Variants in CLEC2D observed in about 807,000 individuals in gnomAD.
CLEC2D encodes the protein C-type lectin domain family 2 member D, also known as C-type lectin related f.
In CLEC2D, 16 loss-of-function variants were observed where a neutral mutation model predicts 20.0. The ratio of observed to expected loss-of-function variants is 0.80; its 90% CI spans 0.54 to 1.22. The LOEUF (loss-of-function observed/expected upper bound fraction) is 1.22, where lower values mean the gene tolerates loss of function less well. CLEC2D is among the 50% of genes most tolerant of loss of function. The pLI, the probability that CLEC2D is intolerant of heterozygous loss-of-function variation, is 0.00. For missense variants in CLEC2D, 207 were observed against 221.5 expected, an observed-to-expected ratio of 0.93 and a Z score of 0.42; for synonymous variants, 77 against 71.1, an observed-to-expected ratio of 1.08 and a Z score of -0.42.
chr12:9,688,144 T>C, intron 3 of CLEC2D, 58 bp downstream of exon 3: 1 of 1,446,106 alleles, frequency 6.9e-7, no homozygotes, highest in Non-Finnish European at 9.1e-7. Context: ...TATGTTTTCC[T>C]GTGAAATTAT....
chr12:9,687,909 A>C lies in CLEC2D; in HGVS notation c.180A>C (p.Arg60Ser). ...CGMVAALSAI[R>S]ANCHQEPSVC... ...TTTTTATTTTATTTTCAGCAATAAG[A>C]GCTAACTGCCATCAAGAGCCATCAG... The change falls in exon 3 of 5, where the codon AGA (arginine) becomes AGC (serine). Residue 60 changes from arginine (R) to serine (S), a missense_variant. By Grantham distance (110) the Arg-to-Ser change is moderately radical (BLOSUM62 -1). Transcript: ENST00000290855. 1 of 1,572,746 alleles carries C rather than the reference A, an allele frequency of 6.4e-7. No homozygotes were observed. Among genetic ancestry groups the C allele is most frequent in the Non-Finnish European group, 8.6e-7 (1 of 1,157,522 alleles).
chr12:9,680,721 G>A (rs71447598), intron 1 of CLEC2D, among the ~76,000 whole-genome samples: 113 of 152,136 alleles, frequency 7.4e-4, no homozygotes, highest in Non-Finnish European at 1.4e-3. Context: ...ATGGTAGCTG[G>A]AAAGTTAAAA....
intron 2 of CLEC2D, among the ~76,000 whole-genome samples, chr12:9,683,383 C>T (rs1865686116): frequency 1.9e-5 from 2 of 107,882 alleles, no homozygotes; most frequent in Admixed American, 2.2e-4. Flanking sequence ...TAAATTAGAT[C>T]CCGCTTGTCA....
chr12:9,675,504 G>C (rs1865505429), intron 1 of CLEC2D, among the ~76,000 whole-genome samples: 1 of 152,120 alleles, frequency 6.6e-6, no homozygotes, highest in East Asian at 1.9e-4. Flanking sequence ...TTATTTGTCT[G>C]TTCTTTAACA....
At position 9,678,142 on chromosome 12, in the gene CLEC2D, G is replaced by A. The variant is rs78282720; in HGVS notation, c.62-2781G>A. ...ACGTAGTTAAATACTCTCTTGTTAG[G>A]TGCGTGCACATTTAGGTTTGTTATG... is the stretch of plus-strand genomic sequence containing the variant. On this transcript the variant is annotated intron_variant, in intron 1 of 4. Coordinates refer to ENST00000290855, the MANE Select transcript of CLEC2D (RefSeq NM_013269.6). Among the ~76,000 whole-genome samples, 979 of 152,146 alleles carry A rather than the reference G, an allele frequency of 6.4e-3. 13 individuals are homozygous for A. The highest frequency in any genetic ancestry group is 0.022 in the African/African-American group (928 of 41,484).
Position 9,696,183 on chromosome 12 carries a change from T to C in CLEC2D, c.*1309T>C, listed in dbSNP as rs1865989875. 1.2e-6 allele frequency: 1 copy of C among 860,540 alleles called. No homozygotes were observed. The highest frequency in any genetic ancestry group is 2.4e-5 in the East Asian group (1 of 41,562). The allele number at this position is 860,540 out of a possible 1,614,324, so 53.3% of individuals were successfully genotyped here. A position where few individuals can be genotyped will look rare whatever the true frequency, so the allele number is the denominator to read the frequency against. The stretch of plus-strand genomic sequence containing the variant: ...ATGTGAAGAATTTCTTCTGGATGAC[T>C]GACCAAGAGGCTATTCAAGATCTCT... On this transcript the variant is annotated 3_prime_UTR_variant, in exon 5 of 5. Coordinates refer to ENST00000290855, the MANE Select transcript of CLEC2D (RefSeq NM_013269.6).
chr12:9,674,489 C>T (rs775729729), intron 1 of CLEC2D, among the ~76,000 whole-genome samples: 1 of 152,338 alleles, frequency 6.6e-6, no homozygotes, highest in East Asian at 1.9e-4. Context: ...CACCTGCCTT[C>T]CGCATTCATC....
At chr12:9,682,291 A>G (rs192677477) in intron 2 of CLEC2D, among the ~76,000 whole-genome samples, 160 of 152,262 alleles carry the variant, frequency 1.1e-3, no homozygotes, top group African/African-American at 3.8e-3. Context: ...GTATTTCCCC[A>G]TTTAAATCGA....
At chr12:9,679,502 T>A (rs1865591585) in intron 1 of CLEC2D, among the ~76,000 whole-genome samples, 1 of 152,192 alleles carries the variant, frequency 6.6e-6, no homozygotes, top group African/African-American at 2.4e-5. Context: ...TTGTTTCCAC[T>A]GTCTTCTTGC....
rs1866072248 is a variant in CLEC2D, at chr12:9,699,291, A to T, written c.*4417A>T. 1 of 152,186 alleles carries T rather than the reference A, an allele frequency of 6.6e-6. No homozygotes were observed. The highest frequency in any genetic ancestry group is 1.5e-5 in the Non-Finnish European group (1 of 68,036). The allele number at this position is 152,186 out of a possible 1,614,324, so 9.4% of individuals were successfully genotyped here. A position where few individuals can be genotyped will look rare whatever the true frequency, so the allele number is the denominator to read the frequency against. On this transcript the variant is annotated 3_prime_UTR_variant, in exon 5 of 5. Coordinates refer to ENST00000290855, the MANE Select transcript of CLEC2D (RefSeq NM_013269.6). ...TATCCTATTAATCTGCATTCTGTCA[A>T]TTGTGGCAAGTTATCAGCATATTTT...
At chr12:9,675,414 T>C (rs1417585251) in intron 1 of CLEC2D, among the ~76,000 whole-genome samples, 1 of 152,156 alleles carries the variant, frequency 6.6e-6, no homozygotes, top group Non-Finnish European at 1.5e-5. Context: ...CAGGATGGTA[T>C]AGATCTCCTG....
chr12:9,677,940 C>G (rs1454008173), intron 1 of CLEC2D, among the ~76,000 whole-genome samples: 2 of 152,000 alleles, frequency 1.3e-5, no homozygotes, highest in East Asian at 3.9e-4. Flanking sequence ...TCAGGTTGGT[C>G]TTGAACTCCT....
chr12:9,677,707 C>CTTTTTTTTTTTTTTTTTT (rs36120151), intron 1 of CLEC2D, among the ~76,000 whole-genome samples: 21 of 122,420 alleles, frequency 1.7e-4, no homozygotes, highest in Non-Finnish European at 2.4e-4. Flanking sequence ...TTCTTTCTTT[C>CTTTTTTTTTTTTTTTTTT]TTTTTTTTTT....
intron 2 of CLEC2D, among the ~76,000 whole-genome samples, chr12:9,686,924 G>C (rs182851963): frequency 6.6e-6 from 1 of 152,074 alleles, no homozygotes; most frequent in African/African-American, 2.4e-5. Context: ...CATATACAAG[G>C]CTTTTTCACA....
intron 1 of CLEC2D, among the ~76,000 whole-genome samples, chr12:9,671,588 G>A (rs1482397821): frequency 6.6e-6 from 1 of 152,226 alleles, no homozygotes; most frequent in Non-Finnish European, 1.5e-5. Context: ...TCATCAGATT[G>A]CCTGAGGTTT....
At position 9,696,001 on chromosome 12, in the gene CLEC2D, A is replaced by C; in HGVS notation, c.*1127A>C. ...TGGAAAAGACTCAAAACCATCATCAACACCAAGATCAAAAGGACAAGAATC... is the reference window on the plus strand; with the variant it reads ...TGGAAAAGACTCAAAACCATCATCACCACCAAGATCAAAAGGACAAGAATC... On this transcript the variant is annotated 3_prime_UTR_variant, in exon 5 of 5. Coordinates refer to ENST00000290855, the MANE Select transcript of CLEC2D (RefSeq NM_013269.6). 6.5e-7 allele frequency: 1 copy of C among 1,532,424 alleles called. No individual in the cohort carries two copies. Among genetic ancestry groups the C allele is most frequent in the Non-Finnish European group, 8.9e-7 (1 of 1,120,522 alleles). 94.9% of individuals were successfully genotyped at this position (1,532,424 alleles called of 1,614,324 possible).
At chr12:9,690,167 T>C (rs1294589772) in intron 3 of CLEC2D, among the ~76,000 whole-genome samples, 2 of 152,102 alleles carry the variant, frequency 1.3e-5, no homozygotes, top group Non-Finnish European at 2.9e-5. Context: ...GCTGATTTTC[T>C]CTGAGAAACC....
In CLEC2D at chr12:9,695,685, G is replaced by T. The variant is rs745721415; in HGVS notation, c.*811G>T. ...AAATAACACCACCAGTGGACTTAAG[G>T]TTGAAGTGTGGTTCAGGGCCAGTGC... On this transcript the variant is annotated 3_prime_UTR_variant, in exon 5 of 5. Transcript: ENST00000290855. The T allele has an allele frequency of 1.4e-5, 22 of 1,573,476 alleles. No homozygotes were observed. The African/African-American group carries it at 2.3e-4, about 16-fold the overall frequency.
intron 3 of CLEC2D, among the ~76,000 whole-genome samples, chr12:9,691,760 A>G (rs1299288018): frequency 6.6e-6 from 1 of 152,208 alleles, no homozygotes; most frequent in Non-Finnish European, 1.5e-5. Context: ...CATAGTTCTA[A>G]GAGGGAAATT....
Sources: allele counts gnomAD v4.1 joint callset (sites outside exome capture counted in the v4.1 genomes callset), GRCh38; gene constraint gnomAD v4.1.1; transcripts MANE v1.5; gene names NCBI Gene and HGNC (gene_info 2026-07-23, HGNC 2026-07-21).